Variants in PRDM6 observed in about 807,000 individuals in gnomAD.
PRDM6 encodes PR/SET domain 6, also known as putative histone-lysine N-methyltransferase PRDM6.
A neutral mutation model predicts 60.8 loss-of-function variants in PRDM6; 25 were observed. The observed-to-expected ratio is 0.41, with a 90% CI of 0.30 to 0.57. The LOEUF (loss-of-function observed/expected upper bound fraction) is 0.57. Among genes scored for constraint, PRDM6 ranks in the 20% least tolerant of loss-of-function variants. PRDM6 has a pLI of 0.27. For missense variants in PRDM6, 839 were observed against 821.3 expected (o/e 1.02, Z -0.26); for synonymous variants, 407 against 357.4 (o/e 1.14, Z -1.57).
At chr5:123,180,111 A>C in intron 6 of PRDM6, 36 bp from the exon 7 acceptor site, 1 of 1,496,220 alleles carries the variant, frequency 6.7e-7, no homozygotes, top group Non-Finnish European at 9.0e-7. Context: ...ACCAACGCAG[A>C]AAACAATGAC....
In PRDM6 at chr5:123,092,541, AC is replaced by A. The variant is rs1488669906; in HGVS notation, c.592+1937del. 2.6e-5 allele frequency among the ~76,000 whole-genome samples: 4 copies of A among 152,294 alleles called. No homozygotes were observed. The South Asian group carries it at 8.3e-4, about 32-fold the overall frequency. ...TTCCTAATTAATATATGGGTATTGA[AC>A]CAGTTTATTGCCTGGGTAACTTTTT... On this transcript the variant is annotated intron_variant, in intron 2 of 7. Transcript: ENST00000407847.
chr5:123,109,657 G>A (rs550010558), intron 3 of PRDM6, among the ~76,000 whole-genome samples: 5 of 152,218 alleles, frequency 3.3e-5, no homozygotes, highest in African/African-American at 9.6e-5. Flanking sequence ...AACCCCATTG[G>A]ATGGCTCTCA....
intron 3 of PRDM6, among the ~76,000 whole-genome samples, chr5:123,134,125 G>A (rs1208307007): frequency 6.6e-6 from 1 of 152,052 alleles, no homozygotes; most frequent in Non-Finnish European, 1.5e-5. Context: ...CTAATTGTTA[G>A]CCAAGTTGTA....
intron 5 of PRDM6, among the ~76,000 whole-genome samples, chr5:123,169,714 A>G (rs1765841023): frequency 6.6e-6 from 1 of 152,206 alleles, no homozygotes; most frequent in Non-Finnish European, 1.5e-5. Context: ...GCCCAAGGCT[A>G]GTAAATAGTG....
chr5:123,092,361 A>G (rs1763859950), intron 2 of PRDM6, among the ~76,000 whole-genome samples: 2 of 152,190 alleles, frequency 1.3e-5, no homozygotes, highest in African/African-American at 4.8e-5. Context: ...TTGCAATTTC[A>G]CTTCTGAATT....
At position 123,089,348 on chromosome 5, in the gene PRDM6, G is replaced by A. The variant is rs1763746459; in HGVS notation, c.-187G>A. On this transcript the variant is annotated 5_prime_UTR_variant, in exon 1 of 8. Transcript: ENST00000407847. ...CGTCCGCACTCTCGCGCCCTCCGCG[G>A]GCCTCCCAATTTTCTCGCTTGCAGG... 6.5e-6 allele frequency: 1 copy of A among 152,706 alleles called. No homozygotes were observed. The highest frequency in any genetic ancestry group is 1.9e-4 in the East Asian group (1 of 5,158). 9.5% of individuals were successfully genotyped at this position (152,706 alleles called of 1,614,324 possible).
At chr5:123,147,646 ACATCAGCTGGCT>A (rs1765277323) in intron 3 of PRDM6, among the ~76,000 whole-genome samples, 1 of 152,238 alleles carries the variant, frequency 6.6e-6, no homozygotes, top group African/African-American at 2.4e-5. Context: ...CACCAGTCAG[ACATCAGCTGGCT>A]CCAGGATGGA....
rs1395850861 is a variant in PRDM6 at position 123,090,291 on chromosome 5, G to C, written c.277G>C (p.Ala93Pro). Reference sequence around the variant, plus strand: ...TTCCTCTTCCACCTCCGCCTCCTCCGCCTCCTCCTGCGCTGCTGCGGCCGC... The same window carrying C: ...TTCCTCTTCCACCTCCGCCTCCTCCCCCTCCTCCTGCGCTGCTGCGGCCGC... ...PASSSTSASS[A>P]SSCAAAAAAA... Residue 93 changes from alanine (A) to proline (P), a missense_variant, in exon 2 of 8, where the codon GCC (alanine) becomes CCC (proline). This residue lies in a region of PRDM6 where 730 missense variants were observed against 648.8 expected (regional missense o/e 1.13). Coordinates refer to ENST00000407847, the MANE Select transcript of PRDM6 (RefSeq NM_001136239.4). The C allele has an allele frequency of 2.6e-5, 39 of 1,489,660 alleles. No homozygotes were observed. The highest frequency in any genetic ancestry group is 3.5e-5 in the Non-Finnish European group (39 of 1,121,420). 92.3% of individuals were successfully genotyped at this position (1,489,660 alleles called of 1,614,324 possible).
chr5:123,108,222 G>C (rs1424448579), intron 3 of PRDM6, among the ~76,000 whole-genome samples: 2 of 152,132 alleles, frequency 1.3e-5, no homozygotes, highest in African/African-American at 4.8e-5. Flanking sequence ...CTCAGATAAT[G>C]AAGTATCTTC....
intron 3 of PRDM6, among the ~76,000 whole-genome samples, chr5:123,108,744 G>A (rs1304635352): frequency 6.6e-6 from 1 of 152,090 alleles, no homozygotes; most frequent in Non-Finnish European, 1.5e-5. Context: ...CTATGTAAGG[G>A]TATAAAGCAG....
chr5:123,177,717 A>G (rs1197796800), intron 6 of PRDM6, among the ~76,000 whole-genome samples: 6 of 152,162 alleles, frequency 3.9e-5, no homozygotes, highest in Non-Finnish European at 7.3e-5. Context: ...GAGGCAGTGT[A>G]TTGTACAGAT....
At chr5:123,122,336 TA>T (rs1764600514) in intron 3 of PRDM6, among the ~76,000 whole-genome samples, 1 of 152,156 alleles carries the variant, frequency 6.6e-6, no homozygotes, top group African/African-American at 2.4e-5. Flanking sequence ...AAGATACCTT[TA>T]AAATGAGTGT....
intron 3 of PRDM6, among the ~76,000 whole-genome samples, chr5:123,134,140 T>A (rs1435416172): frequency 6.6e-6 from 1 of 152,142 alleles, no homozygotes; most frequent in African/African-American, 2.4e-5. Context: ...GTTGTACTTC[T>A]TTTTCTCTCA....
chr5:123,170,135 C>T (rs1430007689), intron 5 of PRDM6, among the ~76,000 whole-genome samples: 1 of 152,104 alleles, frequency 6.6e-6, no homozygotes, highest in Non-Finnish European at 1.5e-5. Context: ...GACCCCCAAT[C>T]CTTATTCCTA....
At chr5:123,142,499 G>T (rs1018296174) in intron 3 of PRDM6, among the ~76,000 whole-genome samples, 3 of 152,134 alleles carry the variant, frequency 2.0e-5, no homozygotes, top group East Asian at 1.9e-4. Context: ...GCTCACAAAG[G>T]AAATGATTCT....
intron 7 of PRDM6, among the ~76,000 whole-genome samples, chr5:123,181,652 G>T (rs376965970): frequency 6.6e-6 from 1 of 152,176 alleles, no homozygotes; most frequent in South Asian, 2.1e-4. Context: ...TGTACCTTCT[G>T]TAGGACATGA....
Position 123,155,962 on chromosome 5 carries a change from C to T in PRDM6, c.979C>T (p.Arg327Ter). ...PSKSSWMRYI[R>*]CARHCGEQNL... ...TAAGTCGAGCTGGATGAGGTATATC[C>T]GATGTGCAAGGCACTGCGGAGAACA... The change falls in exon 4 of 8, where the codon CGA becomes TGA. Residue 327 changes from arginine (R) to a stop codon, truncating the protein, a stop_gained. Coordinates refer to ENST00000407847, the MANE Select transcript of PRDM6 (RefSeq NM_001136239.4). LOFTEE classifies it high-confidence loss of function. 1.3e-6 allele frequency: 2 copies of T among 1,551,652 alleles called. No individual in the cohort carries two copies. The highest frequency in any genetic ancestry group is 1.7e-6 in the Non-Finnish European group (2 of 1,146,888).
intron 3 of PRDM6, among the ~76,000 whole-genome samples, chr5:123,130,076 T>C (rs1764787046): frequency 3.7e-5 from 4 of 108,386 alleles, no homozygotes; most frequent in African/African-American, 7.5e-5. Flanking sequence ...CTTCCCTTCC[T>C]TTCCTTTCTA....
rs1284188315 is a variant in PRDM6, at chr5:123,191,341, G to C, written c.*4140G>C. 6.6e-6 allele frequency: 1 copy of C among 152,174 alleles called. No homozygotes were observed. Among genetic ancestry groups the C allele is most frequent in the African/African-American group, 2.4e-5 (1 of 41,442 alleles). The allele number at this position is 152,174 out of a possible 1,614,324, so 9.4% of individuals were successfully genotyped here. A position where few individuals can be genotyped will look rare whatever the true frequency, so the allele number is the denominator to read the frequency against. ...ACGTCTCACAAAGAGGGCATTTCCA[G>C]AACAGCAGGGTTAACGGGTCCCTCT... On this transcript the variant is annotated 3_prime_UTR_variant, in exon 8 of 8. Transcript: ENST00000407847.
Sources: allele counts gnomAD v4.1 joint callset (sites outside exome capture counted in the v4.1 genomes callset), GRCh38; gene constraint gnomAD v4.1.1; regional missense constraint gnomAD v4.1.1; transcripts MANE v1.5; gene names NCBI Gene and HGNC (gene_info 2026-07-23, HGNC 2026-07-21).